Variants in UIMC1 observed in about 807,000 individuals in gnomAD.
The protein encoded by UIMC1 is ubiquitin interaction motif containing 1.
A neutral mutation model predicts 84.9 loss-of-function variants in UIMC1; 42 were observed. That is an observed-to-expected ratio of 0.49 (90% CI 0.39 to 0.64). The LOEUF is 0.64. Ranked by LOEUF, UIMC1 falls within the 30% of genes least tolerant of loss-of-function variation. The pLI is 0.00. For missense variants in UIMC1, 825 were observed against 847.6 expected, an observed-to-expected ratio of 0.97 and a Z score of 0.33; for synonymous variants, 281 against 293.0, an observed-to-expected ratio of 0.96 and a Z score of 0.42.
chr5:176,951,665 T>G, intron 8 of UIMC1, 88 bp from the exon 9 acceptor site: 1 of 975,620 alleles, frequency 1.0e-6, no homozygotes, highest in Non-Finnish European at 1.5e-6. Context: ...TCACCTAAAG[T>G]TTAGGATATG....
At chr5:176,916,829 A>C (rs1183478250) in intron 10 of UIMC1, among the ~76,000 whole-genome samples, 1 of 152,240 alleles carries the variant, frequency 6.6e-6, no homozygotes, top group African/African-American at 2.4e-5. Context: ...TTACAAACAA[A>C]ATGGACAAAT....
chr5:176,906,672 A>G (rs1221574258), intron 13 of UIMC1, among the ~76,000 whole-genome samples: 3 of 152,152 alleles, frequency 2.0e-5, no homozygotes, highest in Admixed American at 6.5e-5. Flanking sequence ...TAACCAATCC[A>G]CTCTACTGCT....
intron 10 of UIMC1, among the ~76,000 whole-genome samples, chr5:176,925,718 A>C: frequency 6.6e-6 from 1 of 152,242 alleles, no homozygotes; most frequent in East Asian, 1.9e-4. Context: ...GCAGAATATC[A>C]TATAAGCAGA....
At chr5:176,984,730 CATTTTGTTCTGTACTA>C (rs1381784977) in intron 1 of UIMC1, among the ~76,000 whole-genome samples, 3 of 152,082 alleles carry the variant, frequency 2.0e-5, no homozygotes, top group African/African-American at 7.2e-5. Context: ...TAGGAGACTC[CATTTTGTTCTGTACTA>C]AGAAAAATTC....
upstream of UIMC1, among the ~76,000 whole-genome samples, chr5:177,007,158 T>C (rs980537784): frequency 6.6e-6 from 1 of 151,402 alleles, no homozygotes; most frequent in Non-Finnish European, 1.5e-5. Flanking sequence ...CTGGTCAACA[T>C]AGAGAAACCC....
chr5:176,986,545 A>AAG (rs1473091572), intron 1 of UIMC1, among the ~76,000 whole-genome samples: 1 of 149,406 alleles, frequency 6.7e-6, no homozygotes, highest in Non-Finnish European at 1.5e-5. Context: ...CTCCAAAAAA[A>AAG]AAAAAAAAAA....
At chr5:176,993,124 T>G (rs1298827793) in intron 1 of UIMC1, among the ~76,000 whole-genome samples, 1 of 148,714 alleles carries the variant, frequency 6.7e-6, no homozygotes, top group Non-Finnish European at 1.5e-5. Flanking sequence ...AGACAGGGGT[T>G]GAGCCAAGAC....
intron 2 of UIMC1, 55 bp from the exon 3 acceptor site, chr5:176,975,535 C>A (rs1561861746): frequency 1.3e-6 from 2 of 1,574,104 alleles, no homozygotes; most frequent in Admixed American, 3.3e-5. Context: ...GTAGTGATTT[C>A]TCTCTCTTCT....
rs1277546340 is a variant in UIMC1, at chr5:176,980,572, T to C, written c.147+1897A>G. 2.0e-5 allele frequency among the ~76,000 whole-genome samples: 3 copies of C among 152,236 alleles called. No individual in the cohort carries two copies. The East Asian group carries it at 5.8e-4, about 29-fold the overall frequency. On this transcript the variant is annotated intron_variant, in intron 2 of 14. Coordinates refer to ENST00000511320, the MANE Select transcript of UIMC1 (RefSeq NM_001199298.2). Reference sequence around the variant, plus strand: ...ATTTTAAAAATGAAAAAGAAATTATTGCTTATGGTTAAATGTCTGTAGTGT... The same window carrying C: ...ATTTTAAAAATGAAAAAGAAATTATCGCTTATGGTTAAATGTCTGTAGTGT...
intron 10 of UIMC1, among the ~76,000 whole-genome samples, chr5:176,939,714 C>T (rs73804285): frequency 6.6e-6 from 1 of 152,174 alleles, no homozygotes; most frequent in Non-Finnish European, 1.5e-5. Context: ...TTTCTCAGAA[C>T]ACATCCCCAT....
chr5:177,022,590 A>G, exon 1 of UIMC1: 2 of 830,964 alleles, frequency 2.4e-6, no homozygotes, highest in Non-Finnish European at 3.5e-6. Flanking sequence ...AGAGGTAGCA[A>G]AGCAAAATAA....
At chr5:176,960,017 G>C (rs981012093) in intron 6 of UIMC1, among the ~76,000 whole-genome samples, 2 of 152,202 alleles carry the variant, frequency 1.3e-5, no homozygotes, top group Non-Finnish European at 2.9e-5. Flanking sequence ...GATGACAAGA[G>C]TGAAAACTCT....
intron 1 of UIMC1, among the ~76,000 whole-genome samples, chr5:177,015,344 T>C (rs1191915424): frequency 4.6e-5 from 7 of 152,176 alleles, no homozygotes; most frequent in African/African-American, 1.7e-4. Context: ...CAGCGTTAAC[T>C]GCTCAATTCT....
chr5:176,990,383 T>C (rs1020864883), intron 1 of UIMC1, among the ~76,000 whole-genome samples: 1 of 152,042 alleles, frequency 6.6e-6, no homozygotes, highest in South Asian at 2.1e-4. Flanking sequence ...ACCTTGATCT[T>C]ACATTTACCA....
chr5:176,953,495 TACACACACACACACAC>T (rs137955830), intron 8 of UIMC1, among the ~76,000 whole-genome samples: 3 of 136,884 alleles, frequency 2.2e-5, no homozygotes, highest in Non-Finnish European at 4.7e-5. Context: ...ACTGGACACA[TACACACACACACACAC>T]ACACACACAC....
In UIMC1 at chr5:176,969,454, T is replaced by G. The variant is rs1768863769; in HGVS notation, c.463+147A>C. 3 of 1,274,190 alleles carry G rather than the reference T, an allele frequency of 2.4e-6. No homozygotes were observed. The East Asian group carries it at 7.2e-5, about 30-fold the overall frequency. 78.9% of individuals were successfully genotyped at this position (1,274,190 alleles called of 1,614,324 possible). ...CTTGGAGATAAAAGTATGCCGGATA[T>G]TCTTATGATCTCAACTACTTCCTGA... On this transcript the variant is annotated intron_variant, in intron 5 of 14. Coordinates refer to ENST00000511320, the MANE Select transcript of UIMC1 (RefSeq NM_001199298.2).
intron 10 of UIMC1, among the ~76,000 whole-genome samples, chr5:176,921,833 C>T (rs1467971436): frequency 3.3e-5 from 5 of 152,188 alleles, no homozygotes; most frequent in Non-Finnish European, 4.4e-5. Context: ...TAGATTACAT[C>T]ATTCCCTCGT....
chr5:176,916,007 T>C (rs904800264), intron 10 of UIMC1, among the ~76,000 whole-genome samples: 2 of 152,160 alleles, frequency 1.3e-5, no homozygotes, highest in African/African-American at 4.8e-5. Context: ...GTTAGGACTA[T>C]ACGGTAATTC....
At chr5:176,955,646 G>A (rs1487214939) in intron 8 of UIMC1, among the ~76,000 whole-genome samples, 3 of 152,168 alleles carry the variant, frequency 2.0e-5, no homozygotes, top group Admixed American at 2.0e-4. Context: ...TGAATGTACA[G>A]TTAAGCAAAT....
Sources: gnomAD v4.1 joint callset for allele counts (sites outside exome capture counted in the v4.1 genomes callset) on GRCh38, gnomAD v4.1.1 for gene constraint, MANE v1.5 for transcripts, NCBI Gene and HGNC (gene_info 2026-07-23, HGNC 2026-07-21) for gene names.